The following LCE1C variants were observed in gnomAD, a reference collection of about 807,000 sequenced individuals.
LCE1C encodes late cornified envelope 1C.
A neutral mutation model predicts 0.7 loss-of-function variants in LCE1C; 1 was observed. The ratio of observed to expected loss-of-function variants is 1.44; its 90% CI spans 0.51 to 6.83. The LOEUF is 6.83. Among genes scored for constraint, LCE1C ranks in the 30% most tolerant of loss-of-function variants. The pLI is 0.14. For synonymous variants in LCE1C, 72 were observed against 57.9 expected, an observed-to-expected ratio of 1.24 and a Z score of -1.10; for missense variants, 136 against 149.6, an observed-to-expected ratio of 0.91 and a Z score of 0.48.
At chr1:152,806,135 C>G (rs901595303) in intron 1 of LCE1C, among the ~76,000 whole-genome samples, 5 of 152,172 alleles carry the variant, frequency 3.3e-5, no homozygotes, top group African/African-American at 1.2e-4. Context: ...GCACAGTGAT[C>G]CTCAGCTTGC....
intron 1 of LCE1C, among the ~76,000 whole-genome samples, chr1:152,806,344 A>G (rs528395038): frequency 2.0e-5 from 3 of 151,864 alleles, no homozygotes; most frequent in Non-Finnish European, 4.4e-5. Context: ...AGCAGAGTCT[A>G]TTTGCCTGGG....
In LCE1C at chr1:152,805,507, G is replaced by A; in HGVS notation, c.-20-9C>T. On this transcript the variant is annotated splice_polypyrimidine_tract_variant and intron_variant, in intron 1 of 1. Coordinates refer to ENST00000607093, the MANE Select transcript of LCE1C (RefSeq NM_178351.4). Reference sequence around the variant, plus strand: ...GGTGGCGGATTCAGGAGCTGAAAGAGAGTCAAACAGCAAGTCAGACCTAGG... The same window carrying A: ...GGTGGCGGATTCAGGAGCTGAAAGAAAGTCAAACAGCAAGTCAGACCTAGG... 1 of 1,601,406 alleles carries A rather than the reference G, an allele frequency of 6.2e-7. No homozygotes were observed. The highest frequency in any genetic ancestry group is 1.3e-5 in the African/African-American group (1 of 74,900).
Position 152,805,235 on chromosome 1 carries a change from G to T in LCE1C, c.244C>A (p.Arg82Ser). The T allele has an allele frequency of 6.2e-7, 1 of 1,613,768 alleles. No individual in the cohort carries two copies. The highest frequency in any genetic ancestry group is 1.1e-5 in the South Asian group (1 of 91,052). The change falls in exon 2 of 2, where the codon CGC becomes AGC. Residue 82 changes from arginine to serine, a missense_variant. Coordinates refer to ENST00000607093, the MANE Select transcript of LCE1C (RefSeq NM_178351.4). ...GGGCCLSHHR[R>S]RRSHCHRPQS... ...GGTCTGTGGCAGTGGGACCTACGGC[G>T]CCTGTGGTGGCTCAGGCAGCAGCCA...
Position 152,805,515 on chromosome 1 carries a change from C to G in LCE1C, c.-20-17G>C, listed in dbSNP as rs1652315296. ...ATTCAGGAGCTGAAAGAGAGTCAAACAGCAAGTCAGACCTAGGCAGAGGCC... is the reference window on the plus strand; with the variant it reads ...ATTCAGGAGCTGAAAGAGAGTCAAAGAGCAAGTCAGACCTAGGCAGAGGCC... On this transcript the variant is annotated splice_polypyrimidine_tract_variant and intron_variant, in intron 1 of 1. Transcript: ENST00000607093. 1.3e-6 allele frequency: 2 copies of G among 1,591,210 alleles called. No homozygotes were observed. Among genetic ancestry groups the G allele is most frequent in the Admixed American group, 1.7e-5 (1 of 59,914 alleles).
rs1652287082 is a variant in LCE1C, at chr1:152,804,994, T to A, written c.*128A>T. 1 of 1,173,290 alleles carries A rather than the reference T, an allele frequency of 8.5e-7. No individual in the cohort carries two copies. The allele number at this position is 1,173,290 out of a possible 1,614,324, so 72.7% of individuals were successfully genotyped here. A position where few individuals can be genotyped will look rare whatever the true frequency, so the allele number is the denominator to read the frequency against. ...GAGTTTCTGGACTCCAGGGAAAAGA[T>A]ATGCTCTTGGCAAGTTCAGAGCTTT... is the stretch of plus-strand genomic sequence containing the variant. On this transcript the variant is annotated 3_prime_UTR_variant, in exon 2 of 2. Coordinates refer to ENST00000607093, the MANE Select transcript of LCE1C (RefSeq NM_178351.4).
chr1:152,805,587 T>C, intron 1 of LCE1C, 89 bp from the exon 2 acceptor site: 2 of 1,001,256 alleles, frequency 2.0e-6, no homozygotes, highest in Non-Finnish European at 3.0e-6. Context: ...ATTTCCTTTA[T>C]TTTGATGAAC....
At position 152,805,212 on chromosome 1, in the gene LCE1C, T is replaced by C. The variant is rs766294594; in HGVS notation, c.267A>G (p.Arg89=). Residue 89 remains arginine, a synonymous_variant, in exon 2 of 2, where the codon AGA becomes AGG. Coordinates refer to ENST00000607093, the MANE Select transcript of LCE1C (RefSeq NM_178351.4). ...HHRRRRSHCH[R]PQSSGCCSQP... is the part of the protein sequence containing the mutation. ...GGCTGCAGCAGCCAGAGCTCTGGGG[T>C]CTGTGGCAGTGGGACCTACGGCGCC... 2.0e-5 allele frequency: 33 copies of C among 1,613,298 alleles called. No homozygotes were observed. Among genetic ancestry groups the C allele is most frequent in the Non-Finnish European group, 2.7e-5 (32 of 1,179,936 alleles).
Position 152,804,907 on chromosome 1 carries a change from G to A in LCE1C, c.*215C>T, listed in dbSNP as rs865980563. On this transcript the variant is annotated 3_prime_UTR_variant, in exon 2 of 2. Transcript: ENST00000607093. ...AGTAAGCTAGGGGCTTAGACAGAGCGTGGGAGGGTAGCCACAAAGGTGAGG... is the reference window on the plus strand; with the variant it reads ...AGTAAGCTAGGGGCTTAGACAGAGCATGGGAGGGTAGCCACAAAGGTGAGG... 12 of 624,934 alleles carry A rather than the reference G, an allele frequency of 1.9e-5. No individual in the cohort carries two copies. The highest frequency in any genetic ancestry group is 6.7e-5 in the South Asian group (3 of 44,920). 38.7% of individuals were successfully genotyped at this position (624,934 alleles called of 1,614,324 possible).
Position 152,805,048 on chromosome 1 carries a change from G to T in LCE1C, c.*74C>A. The T allele has an allele frequency of 1.3e-6, 2 of 1,496,736 alleles. No homozygotes were observed. Among genetic ancestry groups the T allele is most frequent in the South Asian group, 2.7e-5 (2 of 74,898 alleles). 92.7% of individuals were successfully genotyped at this position (1,496,736 alleles called of 1,614,324 possible). On this transcript the variant is annotated 3_prime_UTR_variant, in exon 2 of 2. Transcript: ENST00000607093. ...TTGGACCTGTGAGCCTCTCAGGCAG[G>T]CCTAGTAGGAGAAGGGGGATGTCCT... is the stretch of plus-strand genomic sequence containing the variant.
At position 152,804,925 on chromosome 1, in the gene LCE1C, A is replaced by G; in HGVS notation, c.*197T>C. 1.5e-6 allele frequency: 1 copy of G among 688,892 alleles called. No individual in the cohort carries two copies. The highest frequency in any genetic ancestry group is 2.5e-6 in the Non-Finnish European group (1 of 404,296). 42.7% of individuals were successfully genotyped at this position (688,892 alleles called of 1,614,324 possible). On this transcript the variant is annotated 3_prime_UTR_variant, in exon 2 of 2. Transcript: ENST00000607093. ...ACAGAGCGTGGGAGGGTAGCCACAA[A>G]GGTGAGGTCCAAGGCCAGTGAATGG...
At chr1:152,806,372 C>A (rs1290951722) in intron 1 of LCE1C, among the ~76,000 whole-genome samples, 1 of 148,906 alleles carries the variant, frequency 6.7e-6, no homozygotes, top group African/African-American at 2.6e-5. Flanking sequence ...TCCCTCTGTC[C>A]TTAAAACTCA....
At chr1:152,805,843 T>A (rs1438832279) in intron 1 of LCE1C, among the ~76,000 whole-genome samples, 1 of 152,208 alleles carries the variant, frequency 6.6e-6, no homozygotes, top group East Asian at 1.9e-4. Context: ...ACCCTGAAAC[T>A]GTCCAGTGTG....
rs773903042 is a variant in LCE1C, at chr1:152,805,127, A to G, written c.352T>C (p.Cys118Arg). Residue 118 changes from cysteine (C) to arginine (R), a missense_variant, in exon 2 of 2, where the codon TGC (cysteine) becomes CGC (arginine). Transcript: ENST00000607093. ...GGSGQHSGGC[C>R] ...TTCTAGGCTCAGGGTCCACTTCAGC[A>G]GCAGCCTCCAGAGTGCTGGCCACTC... 6.3e-7 allele frequency: 1 copy of G among 1,595,182 alleles called. No individual in the cohort carries two copies. Among genetic ancestry groups the G allele is most frequent in the African/African-American group, 1.3e-5 (1 of 74,472 alleles).
In LCE1C at chr1:152,805,428, G is replaced by A. The variant is rs369430678; in HGVS notation, c.51C>T (p.Thr17=). ...QQQCQPPPKC[T]PKCPPKCPTP... is the part of the protein sequence containing the mutation. ...TGGGGCACTTGGGAGGGCACTTGGG[G>A]GTGCACTTGGGAGGGGGCTGGCACT... Residue 17 remains threonine, a synonymous_variant, in exon 2 of 2, where the codon ACC becomes ACT. Transcript: ENST00000607093. 6.8e-5 allele frequency: 109 copies of A among 1,613,856 alleles called. No homozygotes were observed. Among genetic ancestry groups the A allele is most frequent in the African/African-American group, 6.3e-4 (47 of 75,006 alleles).
intron 1 of LCE1C, among the ~76,000 whole-genome samples, chr1:152,806,339 A>T (rs908866758): frequency 1.3e-5 from 2 of 152,012 alleles, no homozygotes; most frequent in African/African-American, 2.4e-5. Context: ...GTTCTAGCAG[A>T]GTCTATTTGC....
At chr1:152,805,821 G>A (rs943643162) in intron 1 of LCE1C, among the ~76,000 whole-genome samples, 1 of 152,170 alleles carries the variant, frequency 6.6e-6, no homozygotes, top group Non-Finnish European at 1.5e-5. Context: ...TTTTCTCATT[G>A]TGTCAAATAA....
chr1:152,806,221 G>T (rs1197913672), intron 1 of LCE1C, among the ~76,000 whole-genome samples: 1 of 152,164 alleles, frequency 6.6e-6, no homozygotes, highest in Non-Finnish European at 1.5e-5. Flanking sequence ...AGCCCTAAAA[G>T]ATCCATTAAT....
rs372416698 is a variant in LCE1C at position 152,805,332 on chromosome 1, T to C, written c.147A>G (p.Gly49=). Reference sequence around the variant, plus strand: ...CCCCAGAGCTGGAGCCACAGCAGCCTCCGGAGCTGACACTGCAGCAGGAAG... The same window carrying C: ...CCCCAGAGCTGGAGCCACAGCAGCCCCCGGAGCTGACACTGCAGCAGGAAG... The part of the protein sequence containing the change: ...PVSSCCSVSS[G]GCCGSSSGGS... The change falls in exon 2 of 2, where the codon GGA becomes GGG. Residue 49 remains glycine (G), a synonymous_variant. Coordinates refer to ENST00000607093, the MANE Select transcript of LCE1C (RefSeq NM_178351.4). 6.2e-7 allele frequency: 1 copy of C among 1,613,188 alleles called. No individual in the cohort carries two copies. The highest frequency in any genetic ancestry group is 8.5e-7 in the Non-Finnish European group (1 of 1,179,874).
chr1:152,805,377 G>C lies in LCE1C; in HGVS notation c.102C>G (p.Pro34=), dbSNP rs1264271738. Residue 34 remains proline (P), a synonymous_variant, in exon 2 of 2, where the codon CCC becomes CCG. Transcript: ENST00000607093. ...CPTPKCPPKC[P]PKCPPVSSCC... Reference sequence around the variant, plus strand: ...AGGAAGAGACAGGAGGGCACTTAGGGGGACACTTTGGGGGACACTTTGGGG... The same window carrying C: ...AGGAAGAGACAGGAGGGCACTTAGGCGGACACTTTGGGGGACACTTTGGGG... The C allele has an allele frequency of 1.2e-6, 2 of 1,613,610 alleles. No individual in the cohort carries two copies. The highest frequency in any genetic ancestry group is 1.7e-6 in the Non-Finnish European group (2 of 1,179,772).
Sources: allele counts gnomAD v4.1 joint callset (sites outside exome capture counted in the v4.1 genomes callset), GRCh38; gene constraint gnomAD v4.1.1; transcripts MANE v1.5; gene names NCBI Gene and HGNC (gene_info 2026-07-23, HGNC 2026-07-21).